GRIK1: variants seen among roughly 807,000 people sequenced by gnomAD.
The protein encoded by GRIK1 is glutamate receptor ionotropic, kainate 1.
A neutral mutation model predicts 105.7 loss-of-function variants in GRIK1; 69 were observed. That is an observed-to-expected ratio of 0.65 (90% confidence interval 0.54 to 0.80). The LOEUF is 0.80. GRIK1 is among the 30% of genes least tolerant of loss of function. GRIK1 has a pLI of 0.00. For synonymous variants in GRIK1, 438 were observed against 431.3 expected, an observed-to-expected ratio of 1.02 and a Z score of -0.19; for missense variants, 1,109 against 1,167.3, an observed-to-expected ratio of 0.95 and a Z score of 0.73.
At chr21:29,700,514 T>C (rs2063791547) in intron 1 of GRIK1, among the ~76,000 whole-genome samples, 1 of 152,158 alleles carries the variant, frequency 6.6e-6, no homozygotes, top group Non-Finnish European at 1.5e-5. Flanking sequence ...TCCCACATTA[T>C]ATGGAGAGAA....
intron 1 of GRIK1, among the ~76,000 whole-genome samples, chr21:29,856,304 A>G (rs1473488102): frequency 6.6e-6 from 1 of 152,226 alleles, no homozygotes; most frequent in Non-Finnish European, 1.5e-5. Context: ...GTGGAAAATT[A>G]TCAGCATACA....
intron 1 of GRIK1, among the ~76,000 whole-genome samples, chr21:29,750,795 T>C (rs1187067753): frequency 6.6e-6 from 1 of 152,218 alleles, no homozygotes; most frequent in East Asian, 1.9e-4. Context: ...TATTATTAGA[T>C]ATCAAATTGA....
chr21:29,567,501 TAC>T (rs1212699034), intron 14 of GRIK1, among the ~76,000 whole-genome samples: 1 of 152,192 alleles, frequency 6.6e-6, no homozygotes, highest in Non-Finnish European at 1.5e-5. Flanking sequence ...GTTTTTACTC[TAC>T]ACACTGAAAT....
chr21:29,564,032 TG>T (rs1288276580), intron 14 of GRIK1, among the ~76,000 whole-genome samples: 1 of 152,254 alleles, frequency 6.6e-6, no homozygotes, highest in Non-Finnish European at 1.5e-5. Flanking sequence ...CTTTTATTCA[TG>T]GACTCATTAT....
At chr21:29,723,103 C>G (rs751498109) in intron 1 of GRIK1, among the ~76,000 whole-genome samples, 7 of 152,056 alleles carry the variant, frequency 4.6e-5, no homozygotes, top group African/African-American at 1.7e-4. Context: ...TGACTTGAGC[C>G]CAGGAGTTCA....
intron 1 of GRIK1, among the ~76,000 whole-genome samples, chr21:29,752,252 A>T (rs1265399097): frequency 3.3e-5 from 5 of 152,204 alleles, no homozygotes; most frequent in African/African-American, 9.7e-5. Context: ...ACTTGCTTTC[A>T]TTAGTATGTG....
chr21:29,793,126 A>G (rs985965669), intron 1 of GRIK1, among the ~76,000 whole-genome samples: 1 of 152,186 alleles, frequency 6.6e-6, no homozygotes, highest in South Asian at 2.1e-4. Flanking sequence ...CAGGAGGAGG[A>G]TGGAGGAAAA....
rs929367125 is a variant in GRIK1, at chr21:29,778,736, T to A, written c.119-84673A>T. 3.3e-5 allele frequency among the ~76,000 whole-genome samples: 5 copies of A among 152,312 alleles called. No homozygotes were observed. The East Asian group carries it at 9.6e-4, about 29-fold the overall frequency. On this transcript the variant is annotated intron_variant, in intron 1 of 17. Transcript: ENST00000327783. ...ATTAATCTCTAGTTTTTCGGGTCAG[T>A]TACTGGTGGGTGAATAAGTTATTCT...
intron 1 of GRIK1, among the ~76,000 whole-genome samples, chr21:29,822,022 G>T (rs2067320054): frequency 6.6e-6 from 1 of 151,982 alleles, no homozygotes; most frequent in Non-Finnish European, 1.5e-5. Context: ...TTGTTCAAAG[G>T]TCAACTGTAC....
In GRIK1 at chr21:29,908,049, T is replaced by C. The variant is rs2070703353; in HGVS notation, c.118+31334A>G. On this transcript the variant is annotated intron_variant, in intron 1 of 17. Transcript: ENST00000327783. ...AAGTGGTCCCATTGGTCTTGTTAAA[T>C]ATAATAATAATTAACATTTATTGGG... is the stretch of plus-strand genomic sequence containing the variant. 2.0e-5 allele frequency among the ~76,000 whole-genome samples: 3 copies of C among 152,198 alleles called. No homozygotes were observed. The South Asian group carries it at 6.2e-4, about 32-fold the overall frequency.
At chr21:29,905,619 AT>A (rs869179451) in intron 1 of GRIK1, among the ~76,000 whole-genome samples, 5,489 of 72,696 alleles carry the variant, frequency 0.076, 100 homozygotes, top group East Asian at 0.26. Flanking sequence ...CAAATTTTGT[AT>A]TTTTTTTTTT....
chr21:29,779,565 C>T (rs1167592248), intron 1 of GRIK1, among the ~76,000 whole-genome samples: 3 of 151,828 alleles, frequency 2.0e-5, no homozygotes, highest in Non-Finnish European at 4.4e-5. Flanking sequence ...ATTATCTTTA[C>T]CACCCACAAA....
intron 7 of GRIK1, among the ~76,000 whole-genome samples, chr21:29,605,093 T>G (rs923940019): frequency 6.6e-6 from 1 of 152,168 alleles, no homozygotes; most frequent in African/African-American, 2.4e-5. Context: ...GGGGTACATG[T>G]GCGGATATGC....
intron 1 of GRIK1, among the ~76,000 whole-genome samples, chr21:29,857,360 A>G (rs2068494560): frequency 6.6e-6 from 1 of 152,204 alleles, no homozygotes; most frequent in Admixed American, 6.5e-5. Context: ...AAGCCTGGCA[A>G]TCCCTTGCAG....
At position 29,622,092 on chromosome 21, in the gene GRIK1, G is replaced by GCATGCC. The variant is rs1054415429; in HGVS notation, c.1098+20728_1098+20733dup. 5.3e-5 allele frequency among the ~76,000 whole-genome samples: 8 copies of GCATGCC among 151,876 alleles called. No homozygotes were observed. In the East Asian group the frequency reaches 1.2e-3, roughly 22 times the overall value. ...CTCCTGAGTAGCTGGGATTACAGGTGCATGCCACCACACCTGGCTAATTTT... is the reference window on the plus strand; with the variant it reads ...CTCCTGAGTAGCTGGGATTACAGGTGCATGCCCATGCCACCACACCTGGCTAATTTT... On this transcript the variant is annotated intron_variant, in intron 7 of 17. Coordinates refer to ENST00000327783, the MANE Select transcript of GRIK1 (RefSeq NM_001330994.2).
chr21:29,890,133 C>G (rs1027463450), intron 1 of GRIK1, among the ~76,000 whole-genome samples: 2 of 151,950 alleles, frequency 1.3e-5, no homozygotes, highest in Non-Finnish European at 2.9e-5. Context: ...ATTTACCTCC[C>G]CAATTAGACT....
intron 1 of GRIK1, among the ~76,000 whole-genome samples, chr21:29,722,481 G>A (rs1457422821): frequency 6.6e-6 from 1 of 151,556 alleles, no homozygotes; most frequent in African/African-American, 2.4e-5. Context: ...GTGTGAACCC[G>A]GGAGGCAGAG....
intron 16 of GRIK1, among the ~76,000 whole-genome samples, chr21:29,543,556 G>A (rs115827175): frequency 0.013 from 1,957 of 152,212 alleles, 43 homozygotes; most frequent in African/African-American, 0.045. Context: ...TTTTCTGAGC[G>A]CATTCACAAC....
intron 1 of GRIK1, among the ~76,000 whole-genome samples, chr21:29,812,956 G>T (rs1019648683): frequency 6.6e-6 from 1 of 152,146 alleles, no homozygotes; most frequent in African/African-American, 2.4e-5. Flanking sequence ...AGAAAAAATT[G>T]TACGTAGGAA....
Sources: allele counts gnomAD v4.1 joint callset (sites outside exome capture counted in the v4.1 genomes callset), GRCh38; gene constraint gnomAD v4.1.1; transcripts MANE v1.5; gene names NCBI Gene and HGNC (gene_info 2026-07-23, HGNC 2026-07-21).